SLIT1: variants seen among roughly 807,000 people sequenced by gnomAD.
The protein encoded by SLIT1 is slit guidance ligand 1.
A neutral mutation model predicts 186.1 loss-of-function variants in SLIT1; 66 were observed. The ratio of observed to expected loss-of-function variants is 0.35; its 90% CI spans 0.29 to 0.44. The LOEUF (loss-of-function observed/expected upper bound fraction) is 0.44, where lower values mean the gene tolerates loss of function less well. Ranked by LOEUF, SLIT1 falls within the 20% of genes least tolerant of loss-of-function variation. The pLI is 1.00. For missense variants in SLIT1, 1,638 were observed against 2,037.4 expected (o/e 0.80, Z 3.77); for synonymous variants, 761 against 833.8 (o/e 0.91, Z 1.50).
intron 30 of SLIT1, among the ~76,000 whole-genome samples, chr10:97,011,368 T>C (rs534130456): frequency 4.6e-5 from 7 of 152,212 alleles, no homozygotes; most frequent in Non-Finnish European, 1.0e-4. Context: ...GGTAGGGGCC[T>C]GGGGCTGGAA....
chr10:97,084,597 CTCTTT>C (rs67508980), intron 4 of SLIT1, among the ~76,000 whole-genome samples: 111,770 of 147,456 alleles, frequency 0.76, 43,038 homozygotes, highest in East Asian at 0.84. Context: ...TTCTTTTCTT[CTCTTT>C]TCTTTTCTTT....
intron 4 of SLIT1, among the ~76,000 whole-genome samples, chr10:97,151,579 G>A (rs2134713323): frequency 6.6e-6 from 1 of 152,038 alleles, no homozygotes; most frequent in East Asian, 1.9e-4. Context: ...TGGACAGATG[G>A]GTGGATGGGT....
At chr10:97,092,322 C>A (rs1849240441) in intron 4 of SLIT1, among the ~76,000 whole-genome samples, 1 of 152,192 alleles carries the variant, frequency 6.6e-6, no homozygotes, top group Non-Finnish European at 1.5e-5. Flanking sequence ...CAGTTAGAAG[C>A]AAATGAATTA....
At chr10:97,049,724 T>A (rs896961964) in intron 13 of SLIT1, among the ~76,000 whole-genome samples, 2 of 152,048 alleles carry the variant, frequency 1.3e-5, no homozygotes, top group Admixed American at 1.3e-4. Flanking sequence ...GCCACAGGAG[T>A]GACCTCTCCT....
intron 13 of SLIT1, among the ~76,000 whole-genome samples, chr10:97,052,887 A>G (rs1471531627): frequency 2.0e-5 from 3 of 152,220 alleles, no homozygotes; most frequent in Non-Finnish European, 4.4e-5. Context: ...TCCAAGTTGT[A>G]GTTCAGTTGT....
chr10:97,004,259 GCATCAGTCTGGAC>G lies in SLIT1; in HGVS notation c.3711-50_3711-38del. ...GGGGGTTCCCCGTTCCAGGGAGTGGGCATCAGTCTGGACCATCCCTGCCTGGGCACTTCCCCAG... is the reference window on the plus strand; with the variant it reads ...GGGGGTTCCCCGTTCCAGGGAGTGGGCATCCCTGCCTGGGCACTTCCCCAG... On this transcript the variant is annotated intron_variant, in intron 33 of 36. Coordinates refer to ENST00000266058, the MANE Select transcript of SLIT1 (RefSeq NM_003061.3). This position sits in a 1 kb window ranked among gnomAD's most constrained non-coding sequence, Gnocchi z 5.1. The G allele has an allele frequency of 6.3e-7, 1 of 1,585,014 alleles. No homozygotes were observed. Among genetic ancestry groups the G allele is most frequent in the Admixed American group, 1.7e-5 (1 of 59,300 alleles).
At chr10:97,029,081 G>A (rs1407806557) in intron 25 of SLIT1, among the ~76,000 whole-genome samples, 4 of 152,204 alleles carry the variant, frequency 2.6e-5, no homozygotes, top group East Asian at 3.9e-4. Context: ...CGCACTTCCC[G>A]GTTCAATCAT....
In SLIT1 at chr10:97,042,800, CA is replaced by C. The variant is rs1366008072; in HGVS notation, c.2164+100del. On this transcript the variant is annotated intron_variant, in intron 20 of 36. Transcript: ENST00000266058. The stretch of plus-strand genomic sequence containing the variant: ...CTAACCTCTCCTCTCAGGGGCATGC[CA>C]GGGGGTGCTGCCTGTCCACTCCCAT... 4 of 1,301,714 alleles carry C rather than the reference CA, an allele frequency of 3.1e-6. No homozygotes were observed. The East Asian group carries it at 7.1e-5, about 23-fold the overall frequency. 80.6% of individuals were successfully genotyped at this position (1,301,714 alleles called of 1,614,324 possible).
intron 4 of SLIT1, among the ~76,000 whole-genome samples, chr10:97,126,848 G>A (rs1003876961): frequency 1.3e-5 from 2 of 152,222 alleles, no homozygotes; most frequent in African/African-American, 4.8e-5. Flanking sequence ...ACAGCAACAA[G>A]AGACAGAGCC....
intron 4 of SLIT1, among the ~76,000 whole-genome samples, chr10:97,080,723 C>T (rs771765175): frequency 6.6e-6 from 1 of 152,238 alleles, no homozygotes; most frequent in African/African-American, 2.4e-5. Context: ...CCAGTCAACT[C>T]ACACCAAATA....
intron 18 of SLIT1, among the ~76,000 whole-genome samples, chr10:97,045,534 A>T (rs1017114875): frequency 3.3e-5 from 5 of 152,322 alleles, no homozygotes; most frequent in Admixed American, 2.6e-4. Flanking sequence ...CTGGATAGTG[A>T]TGGGGTATGG....
At chr10:97,148,958 GCT>G (rs1211375236) in intron 4 of SLIT1, among the ~76,000 whole-genome samples, 1 of 152,214 alleles carries the variant, frequency 6.6e-6, no homozygotes, top group Non-Finnish European at 1.5e-5. Flanking sequence ...AGGACCAGTG[GCT>G]TTTCATGCCT....
rs559065015 is a variant in SLIT1 at position 97,173,013 on chromosome 10, C to T, written c.198-8123G>A. ...AAATGTTCTCCCCAAATGGACATCA[C>T]CCCAAAAAAGCTCCACACGCAGAGG... On this transcript the variant is annotated intron_variant, in intron 1 of 36. Coordinates refer to ENST00000266058, the MANE Select transcript of SLIT1 (RefSeq NM_003061.3). Among the ~76,000 whole-genome samples the T allele has an allele frequency of 2.0e-5, 3 of 152,268 alleles. No homozygotes were observed. The South Asian group carries it at 6.2e-4, about 32-fold the overall frequency.
At chr10:97,054,593 G>A (rs1321806192) in intron 13 of SLIT1, among the ~76,000 whole-genome samples, 2 of 152,140 alleles carry the variant, frequency 1.3e-5, no homozygotes, top group Admixed American at 6.5e-5. Flanking sequence ...GCCTTCTGAC[G>A]GGAAGTCCAC....
Position 97,184,705 on chromosome 10 carries a change from G to C in SLIT1, c.197+773C>G, listed in dbSNP as rs1256633792. On this transcript the variant is annotated intron_variant, in intron 1 of 36. Transcript: ENST00000266058. This position sits in a 1 kb window ranked among gnomAD's most constrained non-coding sequence, Gnocchi z 4.4. ...GAGAAATGCTATTTTTTTATTACTT[G>C]TCATGGTCAATATCTTTAACCTTGG... 1.3e-5 allele frequency among the ~76,000 whole-genome samples: 2 copies of C among 152,120 alleles called. No individual in the cohort carries two copies. Among genetic ancestry groups the C allele is most frequent in the East Asian group, 3.9e-4 (2 of 5,192 alleles).
chr10:97,121,996 G>A (rs1849563798), intron 4 of SLIT1, among the ~76,000 whole-genome samples: 3 of 152,198 alleles, frequency 2.0e-5, no homozygotes, highest in Non-Finnish European at 2.9e-5. Context: ...ACAGATGGGA[G>A]AACAAGGTGT....
chr10:97,131,916 G>A (rs1311062672), intron 4 of SLIT1, among the ~76,000 whole-genome samples: 1 of 152,182 alleles, frequency 6.6e-6, no homozygotes, highest in Non-Finnish European at 1.5e-5. Context: ...GTTAGGCAAC[G>A]TGCCCATGTG....
intron 25 of SLIT1, among the ~76,000 whole-genome samples, chr10:97,027,891 C>T (rs781064750): frequency 6.5e-4 from 99 of 152,074 alleles, no homozygotes; most frequent in Non-Finnish European, 5.1e-4. Context: ...AGTTGAACCC[C>T]GAGTACAAGA....
chr10:97,161,709 C>T (rs868818317), intron 3 of SLIT1, among the ~76,000 whole-genome samples: 53 of 152,236 alleles, frequency 3.5e-4, no homozygotes, highest in African/African-American at 1.0e-3. Flanking sequence ...ACCCAAGAGG[C>T]GGAGATTGCA....
Sources: gnomAD v4.1 joint callset for allele counts (sites outside exome capture counted in the v4.1 genomes callset) on GRCh38, gnomAD v4.1.1 for gene constraint, Gnocchi (gnomAD v3.1) non-coding constraint, MANE v1.5 for transcripts, NCBI Gene and HGNC (gene_info 2026-07-23, HGNC 2026-07-21) for gene names.